C8A: variants seen among roughly 807,000 people sequenced by gnomAD.
C8A encodes the protein complement C8 alpha chain, also known as complement component C8 alpha chain.
Under a neutral mutation model 65.3 loss-of-function variants are expected in C8A, and 67 were observed. The ratio of observed to expected loss-of-function variants is 1.03; its 90% confidence interval spans 0.84 to 1.26. The LOEUF (loss-of-function observed/expected upper bound fraction) is 1.26, where lower values mean the gene tolerates loss of function less well. C8A is among the 50% of genes most tolerant of loss of function. The probability of loss-of-function intolerance (pLI) is 0.00; values close to 1 mark genes in which losing one functional copy is unlikely to be tolerated. For missense variants in C8A, 781 were observed against 723.9 expected (o/e 1.08, Z -0.90); for synonymous variants, 290 against 259.4 (o/e 1.12, Z -1.13).
At chr1:56,884,958 T>A (rs1028224811) in intron 6 of C8A, among the ~76,000 whole-genome samples, 3 of 152,158 alleles carry the variant, frequency 2.0e-5, no homozygotes, top group African/African-American at 2.4e-5. Flanking sequence ...ACTAAAGATA[T>A]CTTAAACACA....
At chr1:56,896,755 T>C (rs978687785) in intron 7 of C8A, among the ~76,000 whole-genome samples, 2 of 152,130 alleles carry the variant, frequency 1.3e-5, no homozygotes, top group Non-Finnish European at 2.9e-5. Context: ...CAGATGTCAA[T>C]AACAACTGTG....
At chr1:56,904,511 T>C (rs1644449405) in intron 7 of C8A, among the ~76,000 whole-genome samples, 1 of 152,212 alleles carries the variant, frequency 6.6e-6, no homozygotes, top group African/African-American at 2.4e-5. Context: ...TGGTACACAG[T>C]AGGTGCTTAC....
intron 10 of C8A, among the ~76,000 whole-genome samples, chr1:56,916,897 C>A (rs1774890): frequency 6.6e-6 from 1 of 152,112 alleles, no homozygotes; most frequent in Non-Finnish European, 1.5e-5. Flanking sequence ...TCACCCTCTG[C>A]GGCTCCATTG....
At chr1:56,874,927 T>A (rs781280130) in intron 2 of C8A, 22 bp from the exon 3 acceptor site, 5 of 1,613,024 alleles carry the variant, frequency 3.1e-6, no homozygotes. Flanking sequence ...CAAGAATGTG[T>A]CTTGTTCAAA....
At chr1:56,892,279 A>T (rs1013441932) in intron 7 of C8A, among the ~76,000 whole-genome samples, 3 of 152,070 alleles carry the variant, frequency 2.0e-5, no homozygotes, top group Non-Finnish European at 4.4e-5. Flanking sequence ...CTTGACATAG[A>T]GAGGTGGAAA....
chr1:56,913,462 A>C (rs569472741), intron 10 of C8A, among the ~76,000 whole-genome samples: 1 of 152,370 alleles, frequency 6.6e-6, no homozygotes, highest in South Asian at 2.1e-4. Context: ...TTATCAAACA[A>C]GCATTAAAAG....
intron 2 of C8A, among the ~76,000 whole-genome samples, chr1:56,872,905 A>AAAAG (rs140910531): frequency 0.12 from 18,414 of 151,960 alleles, 1,480 homozygotes; most frequent in Middle Eastern, 0.19. Context: ...GAGGAAAAAA[A>AAAAG]AAAGAAAGAA....
At position 56,917,808 on chromosome 1, in the gene C8A, CA is replaced by C; in HGVS notation, c.*95del. On this transcript the variant is annotated 3_prime_UTR_variant, in exon 11 of 11. Coordinates refer to ENST00000361249, the MANE Select transcript of C8A (RefSeq NM_000562.3). ...GACTTCTTTCAACTAAGAGAAGATG[CA>C]AATCAGCACACTTTTTTCTTTGTTC... The C allele has an allele frequency of 6.8e-7, 1 of 1,472,076 alleles. No individual in the cohort carries two copies. The highest frequency in any genetic ancestry group is 1.2e-5 in the South Asian group (1 of 84,756). 91.2% of individuals were successfully genotyped at this position (1,472,076 alleles called of 1,614,324 possible).
intron 2 of C8A, among the ~76,000 whole-genome samples, chr1:56,870,749 G>C (rs1644138831): frequency 6.7e-6 from 1 of 150,078 alleles, no homozygotes; most frequent in African/African-American, 2.5e-5. Flanking sequence ...AATCAGAATA[G>C]AATTATTTCC....
At chr1:56,915,693 C>A (rs563004943) in intron 10 of C8A, among the ~76,000 whole-genome samples, 1 of 152,312 alleles carries the variant, frequency 6.6e-6, no homozygotes, top group South Asian at 2.1e-4. Context: ...TCCCAATTTA[C>A]AGATGAGGAA....
At chr1:56,874,049 G>A (rs1024911839) in intron 2 of C8A, among the ~76,000 whole-genome samples, 3 of 152,220 alleles carry the variant, frequency 2.0e-5, no homozygotes, top group Non-Finnish European at 4.4e-5. Context: ...CAGGGACTCA[G>A]ATGATGTCTT....
At chr1:56,867,875 A>T (rs1412761837) in intron 2 of C8A, among the ~76,000 whole-genome samples, 173 bp downstream of exon 2, 1 of 152,064 alleles carries the variant, frequency 6.6e-6, no homozygotes, top group Non-Finnish European at 1.5e-5. Context: ...CGTGTCTCCT[A>T]ATTTTGTTTG....
chr1:56,857,447 G>T (rs1041133846), intron 1 of C8A, among the ~76,000 whole-genome samples: 2 of 151,822 alleles, frequency 1.3e-5, no homozygotes, highest in Non-Finnish European at 2.9e-5. Context: ...AATACATATA[G>T]TTATGCTTGC....
At chr1:56,861,922 T>C (rs779569691) in intron 1 of C8A, among the ~76,000 whole-genome samples, 15 of 152,212 alleles carry the variant, frequency 9.9e-5, no homozygotes, top group Non-Finnish European at 2.1e-4. Context: ...TTTTCTTTTC[T>C]AAAATGCTGA....
rs544655271 is a variant in C8A, at chr1:56,887,438, A to C, written c.1096+1271A>C. Among the ~76,000 whole-genome samples the C allele has an allele frequency of 3.3e-5, 5 of 152,198 alleles. No homozygotes were observed. In the East Asian group the frequency reaches 5.8e-4, roughly 18 times the overall value. ...GTATCTCATTGTGGTTTTGATTTGCATTTCTCTAATGACCAGTGATGATGA... is the reference window on the plus strand; with the variant it reads ...GTATCTCATTGTGGTTTTGATTTGCCTTTCTCTAATGACCAGTGATGATGA... On this transcript the variant is annotated intron_variant, in intron 7 of 10. Transcript: ENST00000361249.
intron 7 of C8A, among the ~76,000 whole-genome samples, chr1:56,896,425 A>G (rs1311357589): frequency 2.6e-5 from 4 of 152,092 alleles, no homozygotes; most frequent in Non-Finnish European, 4.4e-5. Flanking sequence ...ACCCTGGAAG[A>G]GTTGACATTT....
At chr1:56,892,660 T>C (rs1286417668) in intron 7 of C8A, among the ~76,000 whole-genome samples, 1 of 152,116 alleles carries the variant, frequency 6.6e-6, no homozygotes, top group African/African-American at 2.4e-5. Context: ...CAAGCAGACA[T>C]GCAGAATGAG....
intron 6 of C8A, among the ~76,000 whole-genome samples, chr1:56,885,315 A>AATATATATTTATTTAAATATACATAAAT (rs60530575): frequency 8.5e-6 from 1 of 117,038 alleles, no homozygotes; most frequent in African/African-American, 3.9e-5. Context: ...TATTTACATA[A>AATATATATTTATTTAAATATACATAAAT]ATATATTTAT....
chr1:56,910,137 A>T (rs998209059), intron 9 of C8A, among the ~76,000 whole-genome samples: 1 of 152,216 alleles, frequency 6.6e-6, no homozygotes, highest in Non-Finnish European at 1.5e-5. Context: ...TTCAGAGTGG[A>T]AACAGCATGT....
Sources: gnomAD v4.1 joint callset for allele counts (sites outside exome capture counted in the v4.1 genomes callset) on GRCh38, gnomAD v4.1.1 for gene constraint, MANE v1.5 for transcripts, NCBI Gene and HGNC (gene_info 2026-07-23, HGNC 2026-07-21) for gene names.